COG6: variants seen among roughly 807,000 people sequenced by gnomAD.
The protein encoded by COG6 is conserved oligomeric Golgi complex subunit 6.
In COG6, 74 loss-of-function variants were observed where a neutral mutation model predicts 88.8. The ratio of observed to expected loss-of-function variants is 0.83; its 90% CI spans 0.69 to 1.01. The LOEUF is 1.01. COG6 is among the 50% of genes least tolerant of loss of function. COG6 has a pLI of 0.00. For synonymous variants in COG6, 286 were observed against 278.7 expected (o/e 1.03, Z -0.26); for missense variants, 800 against 797.9 (o/e 1.00, Z -0.03).
Position 39,751,955 on chromosome 13 carries a change from C to A in COG6, c.*862C>A, listed in dbSNP as rs1190811855. 1 of 1,222,838 alleles carries A rather than the reference C, an allele frequency of 8.2e-7. No individual in the cohort carries two copies. Among genetic ancestry groups the A allele is most frequent in the Non-Finnish European group, 1.1e-6 (1 of 930,242 alleles). The allele number at this position is 1,222,838 out of a possible 1,614,324, so 75.7% of individuals were successfully genotyped here. On this transcript the variant is annotated 3_prime_UTR_variant, in exon 19 of 19. Coordinates refer to ENST00000455146, the MANE Select transcript of COG6 (RefSeq NM_020751.3). ...CTACACATTTTATCTGGTGTTCAAA[C>A]CAAAGAAACAATGATCTACTCAAAC...
intron 5 of COG6, among the ~76,000 whole-genome samples, 188 bp downstream of exon 5, chr13:39,677,767 T>C (rs1249362420): frequency 6.6e-6 from 1 of 152,142 alleles, no homozygotes; most frequent in Non-Finnish European, 1.5e-5. Flanking sequence ...TTAAAAAGAG[T>C]CAAAGTTATA....
intron 4 of COG6, among the ~76,000 whole-genome samples, chr13:39,672,541 CATAG>C (rs1875713605): frequency 6.6e-6 from 1 of 152,006 alleles, no homozygotes; most frequent in African/African-American, 2.4e-5. Flanking sequence ...GCTTTTTCCA[CATAG>C]ATAAACACTT....
intron 4 of COG6, among the ~76,000 whole-genome samples, 172 bp downstream of exon 4, chr13:39,665,326 G>A (rs1444457296): frequency 1.3e-5 from 2 of 152,152 alleles, no homozygotes; most frequent in Non-Finnish European, 2.9e-5. Context: ...AGTAGTTTAG[G>A]AGCAATAAAC....
At chr13:39,666,708 G>C (rs766881769) in intron 4 of COG6, among the ~76,000 whole-genome samples, 1 of 152,104 alleles carries the variant, frequency 6.6e-6, no homozygotes, top group Non-Finnish European at 1.5e-5. Flanking sequence ...AGGATATCAT[G>C]GGTCTTAGGG....
intron 18 of COG6, among the ~76,000 whole-genome samples, chr13:39,735,292 T>G (rs565824439): frequency 5.3e-5 from 8 of 152,198 alleles, no homozygotes; most frequent in Admixed American, 2.0e-4. Context: ...GAGGTTACCA[T>G]GAAGCTTCCA....
At chr13:39,685,300 CTT>C (rs1363976545) in intron 8 of COG6, among the ~76,000 whole-genome samples, 2 of 152,092 alleles carry the variant, frequency 1.3e-5, no homozygotes, top group Admixed American at 6.6e-5. Flanking sequence ...TGGTCAAAGA[CTT>C]TTTCTTCTGT....
chr13:39,726,413 G>A (rs117026306), intron 17 of COG6, among the ~76,000 whole-genome samples: 2,137 of 151,898 alleles, frequency 0.014, 24 homozygotes, highest in Middle Eastern at 0.02. Context: ...ATGATAATAT[G>A]GTGAATTAAT....
At chr13:39,717,885 C>T (rs1227957522) in intron 13 of COG6, among the ~76,000 whole-genome samples, 1 of 151,902 alleles carries the variant, frequency 6.6e-6, no homozygotes, top group Admixed American at 6.6e-5. Context: ...AAAACAAAAC[C>T]CTATAGTTAA....
At chr13:39,717,407 C>A (rs1217552651) in intron 13 of COG6, among the ~76,000 whole-genome samples, 1 of 151,402 alleles carries the variant, frequency 6.6e-6, no homozygotes, top group South Asian at 2.1e-4. Flanking sequence ...GCCTTTTTTT[C>A]TTTGTTCTTT....
chr13:39,758,902 T>G (rs1332366939), intron 18 of COG6, among the ~76,000 whole-genome samples: 10 of 152,304 alleles, frequency 6.6e-5, no homozygotes, highest in Admixed American at 2.0e-4. Flanking sequence ...TAAAAAGGAA[T>G]GGACTACTGA....
chr13:39,739,111 A>T (rs1879915405), intron 18 of COG6, among the ~76,000 whole-genome samples: 4 of 152,150 alleles, frequency 2.6e-5, no homozygotes, highest in Admixed American at 2.6e-4. Context: ...CATGAAACTA[A>T]TGTAAGAATG....
In COG6 at chr13:39,706,255, T is replaced by A. The variant is rs1239736987; in HGVS notation, c.1284+6637T>A. Reference sequence around the variant, plus strand: ...CTCCTTTATATATATATATACTCCTTTATATATATATATATATATATATTT... The same window carrying A: ...CTCCTTTATATATATATATACTCCTATATATATATATATATATATATATTT... On this transcript the variant is annotated intron_variant, in intron 13 of 18. Coordinates refer to ENST00000455146, the MANE Select transcript of COG6 (RefSeq NM_020751.3). Among the ~76,000 whole-genome samples the A allele has an allele frequency of 1.6e-3, 184 of 114,666 alleles. 4 individuals are homozygous for A. Among genetic ancestry groups the A allele is most frequent in the African/African-American group, 5.6e-3 (172 of 30,794 alleles). The allele number at this position is 114,666 out of a possible 152,430, so 75.2% of individuals were successfully genotyped here.
chr13:39,762,785 G>A (rs1456905128), intron 18 of COG6, among the ~76,000 whole-genome samples: 24 of 136,912 alleles, frequency 1.8e-4, no homozygotes, highest in African/African-American at 2.7e-4. Context: ...TTTCTTTGAA[G>A]CCTATGTACC....
rs9576900 is a variant in COG6 at position 39,775,070 on chromosome 13, C to T, written c.1827-13265C>T. On this transcript the variant is annotated intron_variant, in intron 18 of 18. Transcript: ENST00000416691. ...GCATTTCCATTGCTCATTGCTCTCC[C>T]AGCCTTGGAGGAAGTTCTGCTTTTG... 0.016 allele frequency among the ~76,000 whole-genome samples: 2,436 copies of T among 152,250 alleles called. 283 individuals are homozygous for T. In the East Asian group the frequency reaches 0.31, roughly 20 times the overall value.
chr13:39,720,998 G>A (rs1878821719), intron 15 of COG6, among the ~76,000 whole-genome samples: 1 of 151,786 alleles, frequency 6.6e-6, no homozygotes, highest in Middle Eastern at 3.2e-3. Flanking sequence ...AAACATTATT[G>A]GTGACTGAGC....
chr13:39,752,156 A>C lies in COG6; in HGVS notation c.*1063A>C. On this transcript the variant is annotated 3_prime_UTR_variant, in exon 19 of 19. Coordinates refer to ENST00000455146, the MANE Select transcript of COG6 (RefSeq NM_020751.3). ...TTGACATTCTTGTCAGCAAAAAAAA[A>C]CTTAATTTCTAGTAAATCTATAAAA... The C allele has an allele frequency of 9.9e-7, 1 of 1,013,754 alleles. No homozygotes were observed. The highest frequency in any genetic ancestry group is 1.3e-6 in the Non-Finnish European group (1 of 769,908). 62.8% of individuals were successfully genotyped at this position (1,013,754 alleles called of 1,614,324 possible).
intron 4 of COG6, 132 bp downstream of exon 4, chr13:39,665,286 A>ATT (rs1875180910): frequency 7.9e-6 from 5 of 630,702 alleles, no homozygotes; most frequent in African/African-American, 5.5e-5. Flanking sequence ...AAACTATTAT[A>ATT]TTACCCAATA....
chr13:39,676,902 A>T (rs915564967), intron 4 of COG6, among the ~76,000 whole-genome samples: 7 of 152,102 alleles, frequency 4.6e-5, no homozygotes, highest in Admixed American at 1.3e-4. Context: ...CATATAATTT[A>T]AAAGGTTGTT....
downstream of COG6, among the ~76,000 whole-genome samples, chr13:39,752,810 G>A (rs1880709640): frequency 1.3e-5 from 2 of 152,120 alleles, no homozygotes; most frequent in Non-Finnish European, 2.9e-5. Context: ...AACATTGTAA[G>A]TAATAATCTA....
Sources: gnomAD v4.1 joint callset for allele counts (sites outside exome capture counted in the v4.1 genomes callset) on GRCh38, gnomAD v4.1.1 for gene constraint, MANE v1.5 for transcripts, NCBI Gene and HGNC (gene_info 2026-07-23, HGNC 2026-07-21) for gene names.